Variants in PLCB4 observed in about 807,000 individuals in gnomAD.
PLCB4 encodes phospholipase C beta 4.
PLCB4 carries 77 observed loss-of-function variants against 178.8 expected under a neutral mutation model. The ratio of observed to expected loss-of-function variants is 0.43; its 90% CI spans 0.36 to 0.52. The LOEUF is 0.52. Ranked by LOEUF, PLCB4 falls within the 20% of genes least tolerant of loss-of-function variation. The pLI is 0.00. For synonymous variants in PLCB4, 496 were observed against 490.8 expected (o/e 1.01, Z -0.14); for missense variants, 1,024 against 1,453.4 (o/e 0.70, Z 4.80).
intron 3 of PLCB4, among the ~76,000 whole-genome samples, chr20:9,277,646 G>A (rs933804090): frequency 6.6e-6 from 1 of 151,916 alleles, no homozygotes; most frequent in Non-Finnish European, 1.5e-5. Context: ...TCTTCCTTCT[G>A]GTGAGACCAG....
At chr20:9,264,296 G>A (rs970651858) in intron 3 of PLCB4, among the ~76,000 whole-genome samples, 3 of 152,162 alleles carry the variant, frequency 2.0e-5, no homozygotes, top group African/African-American at 7.2e-5. Flanking sequence ...GAACTAATGT[G>A]TGTCCTACAA....
intron 2 of PLCB4, among the ~76,000 whole-genome samples, chr20:9,108,994 T>C (rs1379190803): frequency 1.3e-5 from 2 of 151,452 alleles, no homozygotes; most frequent in African/African-American, 2.4e-5. Flanking sequence ...TGGTAAACTT[T>C]ATTGAGTCCC....
At chr20:9,427,655 A>G (rs1455007445) in intron 28 of PLCB4, among the ~76,000 whole-genome samples, 1 of 152,226 alleles carries the variant, frequency 6.6e-6, no homozygotes, top group Non-Finnish European at 1.5e-5. Context: ...TCAGTGTTAG[A>G]CACTGCTGTA....
intron 2 of PLCB4, among the ~76,000 whole-genome samples, chr20:9,194,436 C>T (rs1054123456): frequency 1.3e-5 from 2 of 151,978 alleles, no homozygotes; most frequent in African/African-American, 2.4e-5. Flanking sequence ...CGTGTAATCC[C>T]AGCACTTTGG....
chr20:9,071,740 T>TGCA (rs1326587034), intron 1 of PLCB4, among the ~76,000 whole-genome samples: 1 of 152,202 alleles, frequency 6.6e-6, no homozygotes, highest in East Asian at 1.9e-4. Flanking sequence ...AAGAAAGATT[T>TGCA]TGGATTTCTC....
At chr20:9,214,235 A>G (rs1377205551) in intron 2 of PLCB4, among the ~76,000 whole-genome samples, 1 of 152,078 alleles carries the variant, frequency 6.6e-6, no homozygotes, top group Non-Finnish European at 1.5e-5. Context: ...CCTATGTTAT[A>G]TTTACTTTTA....
intron 7 of PLCB4, among the ~76,000 whole-genome samples, chr20:9,348,823 A>T (rs1189641964): frequency 6.6e-6 from 1 of 152,312 alleles, no homozygotes; most frequent in East Asian, 1.9e-4. Flanking sequence ...CACCTGTATC[A>T]GTGAAGTTAT....
chr20:9,423,140 C>G (rs148808987), intron 27 of PLCB4, among the ~76,000 whole-genome samples: 3 of 152,324 alleles, frequency 2.0e-5, no homozygotes, highest in African/African-American at 4.8e-5. Flanking sequence ...GTTAATGTTT[C>G]TAGCTACCGC....
At chr20:9,338,172 A>G (rs2032724617) in intron 6 of PLCB4, 105 bp downstream of exon 6, 1 of 738,042 alleles carries the variant, frequency 1.4e-6, no homozygotes, top group Non-Finnish European at 2.4e-6. Flanking sequence ...CAGGCTACTT[A>G]AAACATTTGA....
At chr20:9,333,908 C>T (rs2032063386) in intron 4 of PLCB4, among the ~76,000 whole-genome samples, 1 of 152,038 alleles carries the variant, frequency 6.6e-6, no homozygotes, top group Non-Finnish European at 1.5e-5. Flanking sequence ...GATGGAGAAA[C>T]TTGGAGGGGA....
Position 9,339,034 on chromosome 20 carries a change from T to C in PLCB4, c.366T>C (p.Thr122=). ...TYMVAENPEV[T]KQWVEGLRSI... ...TGGTGGCTGAAAATCCAGAAGTAAC[T>C]AAGGTAGCTTCAGTTAAATGGCCTC... is the stretch of plus-strand genomic sequence containing the variant. Residue 122 remains threonine, a synonymous_variant, in exon 7 of 40, where the codon ACT becomes ACC. Coordinates refer to ENST00000378473, the MANE Select transcript of PLCB4 (RefSeq NM_001377142.1). 1 of 1,611,436 alleles carries C rather than the reference T, an allele frequency of 6.2e-7. No homozygotes were observed. Among genetic ancestry groups the C allele is most frequent in the Non-Finnish European group, 8.5e-7 (1 of 1,178,320 alleles).
intron 2 of PLCB4, among the ~76,000 whole-genome samples, chr20:9,172,412 C>G (rs1183838887): frequency 6.6e-6 from 1 of 152,172 alleles, no homozygotes; most frequent in Non-Finnish European, 1.5e-5. Flanking sequence ...AAGCTTTCCT[C>G]ACTGCTATAA....
chr20:9,217,006 G>A (rs2147270515), intron 2 of PLCB4, among the ~76,000 whole-genome samples: 1 of 152,310 alleles, frequency 6.6e-6, no homozygotes, highest in South Asian at 2.1e-4. Context: ...TATAAAAAGA[G>A]TTTTTTCCAA....
chr20:9,329,591 AG>A (rs1248304064), intron 4 of PLCB4, among the ~76,000 whole-genome samples: 1 of 152,178 alleles, frequency 6.6e-6, no homozygotes, highest in Non-Finnish European at 1.5e-5. Context: ...TACTGGTGGA[AG>A]GGGGAAAGGT....
At chr20:9,456,056 G>A (rs1290766285) in intron 33 of PLCB4, among the ~76,000 whole-genome samples, 4 of 152,098 alleles carry the variant, frequency 2.6e-5, no homozygotes, top group Admixed American at 1.3e-4. Context: ...GGCTGGTCTC[G>A]AACTCCTGAC....
intron 2 of PLCB4, among the ~76,000 whole-genome samples, chr20:9,194,046 A>ATG (rs1568929143): frequency 1.3e-5 from 2 of 152,122 alleles, no homozygotes; most frequent in African/African-American, 4.8e-5. Flanking sequence ...TTTTATACAC[A>ATG]TTCATTGTGA....
chr20:9,380,178 A>G lies in PLCB4; in HGVS notation c.853+16A>G. On this transcript the variant is annotated intron_variant, in intron 13 of 39. Coordinates refer to ENST00000378473, the MANE Select transcript of PLCB4 (RefSeq NM_001377142.1). ...AAGAAAAAAGGTAATAAACATGAAA[A>G]AAGGACTTAAAAAAAAAAACAAGAA... 8.1e-7 allele frequency: 1 copy of G among 1,238,922 alleles called. No homozygotes were observed. The highest frequency in any genetic ancestry group is 1.1e-6 in the Non-Finnish European group (1 of 878,550). The allele number at this position is 1,238,922 out of a possible 1,614,324, so 76.7% of individuals were successfully genotyped here.
chr20:9,466,460 G>C (rs2043791253), intron 35 of PLCB4, among the ~76,000 whole-genome samples: 1 of 152,166 alleles, frequency 6.6e-6, no homozygotes, highest in African/African-American at 2.4e-5. Context: ...AAGAGCTTCT[G>C]CATGGCAAAA....
intron 1 of PLCB4, among the ~76,000 whole-genome samples, chr20:9,087,501 A>G (rs1038664623): frequency 3.9e-5 from 6 of 152,220 alleles, no homozygotes; most frequent in Non-Finnish European, 5.9e-5. Context: ...CAAATATTAG[A>G]AAAACATAGT....
Sources: allele counts gnomAD v4.1 joint callset (sites outside exome capture counted in the v4.1 genomes callset), GRCh38; gene constraint gnomAD v4.1.1; transcripts MANE v1.5; gene names NCBI Gene and HGNC (gene_info 2026-07-23, HGNC 2026-07-21).